RANBP9: variants seen among roughly 807,000 people sequenced by gnomAD.
RANBP9 encodes the protein RAN binding protein 9.
Under a neutral mutation model 84.3 loss-of-function variants are expected in RANBP9, and 15 were observed. That is an observed-to-expected ratio of 0.18 (90% CI 0.12 to 0.27). The LOEUF is 0.27. Ranked by LOEUF, RANBP9 falls within the 10% of genes least tolerant of loss-of-function variation. The probability of loss-of-function intolerance (pLI) is 1.00; values close to 1 mark genes in which losing one functional copy is unlikely to be tolerated. For missense variants in RANBP9, 809 were observed against 912.8 expected, an observed-to-expected ratio of 0.89 and a Z score of 1.46; for synonymous variants, 392 against 349.6, an observed-to-expected ratio of 1.12 and a Z score of -1.35.
At chr6:13,686,022 A>G (rs1766167773) in intron 2 of RANBP9, among the ~76,000 whole-genome samples, 1 of 150,302 alleles carries the variant, frequency 6.7e-6, no homozygotes, top group Non-Finnish European at 1.5e-5. Context: ...GCAATTAATT[A>G]TACAAAAATC....
chr6:13,633,949 T>G (rs199542994), intron 11 of RANBP9, among the ~76,000 whole-genome samples: 1 of 50 alleles, frequency 0.02, no homozygotes, highest in Non-Finnish European at 0.1. Context: ...GGTGGTGGGG[T>G]TTTTTTTTTT....
At chr6:13,655,974 G>A (rs1286364834) in intron 4 of RANBP9, among the ~76,000 whole-genome samples, 1 of 152,066 alleles carries the variant, frequency 6.6e-6, no homozygotes, top group Non-Finnish European at 1.5e-5. Flanking sequence ...GATCTCTTGT[G>A]GACTTGAGAA....
At position 13,711,031 on chromosome 6, in the gene RANBP9, C is replaced by T; in HGVS notation, c.475G>A (p.Asp159Asn). ...CGAGGCAGCGGCGTCTCTTGTTCGTCCACGGCCGGGTAGAGACGCTTCAGC... is the reference window on the plus strand; with the variant it reads ...CGAGGCAGCGGCGTCTCTTGTTCGTTCACGGCCGGGTAGAGACGCTTCAGC... ...RRLKRLYPAV[D>N]EQETPLPRSW... Residue 159 changes from aspartate (D) to asparagine (N), a missense_variant, in exon 1 of 14, where the codon GAC (aspartate) becomes AAC (asparagine). Physicochemically the swap from Asp to Asn is conservative, Grantham distance 23. Coordinates refer to ENST00000011619, the MANE Select transcript of RANBP9 (RefSeq NM_005493.3). 1 of 1,600,658 alleles carries T rather than the reference C, an allele frequency of 6.2e-7. No individual in the cohort carries two copies. The highest frequency in any genetic ancestry group is 1.7e-5 in the Admixed American group (1 of 58,540).
intron 2 of RANBP9, among the ~76,000 whole-genome samples, chr6:13,659,413 A>G (rs1765490909): frequency 6.6e-6 from 1 of 152,144 alleles, no homozygotes. Flanking sequence ...AACTGACAAA[A>G]TCTACCTAAA....
At chr6:13,671,508 C>T (rs1267608462) in intron 2 of RANBP9, among the ~76,000 whole-genome samples, 1 of 152,058 alleles carries the variant, frequency 6.6e-6, no homozygotes, top group Admixed American at 6.6e-5. Context: ...AAAACATTAA[C>T]CTTTAAAACA....
intron 1 of RANBP9, among the ~76,000 whole-genome samples, chr6:13,703,736 G>A (rs560484428): frequency 6.4e-4 from 97 of 152,322 alleles, no homozygotes; most frequent in African/African-American, 2.2e-3. Flanking sequence ...ACTAGTGATT[G>A]GAGCTGAGTC....
chr6:13,633,757 A>C (rs1369081017), intron 11 of RANBP9, among the ~76,000 whole-genome samples: 1 of 152,246 alleles, frequency 6.6e-6, no homozygotes, highest in African/African-American at 2.4e-5. Context: ...CAAAATAATA[A>C]GAAATCTAAC....
chr6:13,676,911 T>C (rs1765898229), intron 2 of RANBP9, among the ~76,000 whole-genome samples: 6 of 152,190 alleles, frequency 3.9e-5, no homozygotes. Flanking sequence ...AGTATCATAC[T>C]TAATGGCTAA....
chr6:13,675,687 C>T (rs928297148), intron 2 of RANBP9, among the ~76,000 whole-genome samples: 1 of 151,072 alleles, frequency 6.6e-6, no homozygotes, highest in Non-Finnish European at 1.5e-5. Context: ...AAAGCCAGTT[C>T]TTTGAAAAGA....
At chr6:13,687,579 A>G (rs1766219648) in intron 2 of RANBP9, among the ~76,000 whole-genome samples, 1 of 152,178 alleles carries the variant, frequency 6.6e-6, no homozygotes, top group Admixed American at 6.5e-5. Flanking sequence ...CTAGGGAGTC[A>G]TTCTTAACAT....
chr6:13,711,452 CTGCTGCTGCTGT>C lies in RANBP9; in HGVS notation c.42_53del (p.Gln15_Gln18del), dbSNP rs1420863316. 2.5e-6 allele frequency: 3 copies of C among 1,218,010 alleles called. No homozygotes were observed. Among genetic ancestry groups the C allele is most frequent in the East Asian group, 6.6e-5 (2 of 30,280 alleles). 75.5% of individuals were successfully genotyped at this position (1,218,010 alleles called of 1,614,324 possible). Reference sequence around the variant, plus strand: ...AGGCCGCCGGCGGTGGCGGCGACAGCTGCTGCTGCTGTTGCTGCTGCTGCGGCGGCGGCGGCG... The same window carrying C: ...AGGCCGCCGGCGGTGGCGGCGACAGCTGCTGCTGCTGCGGCGGCGGCGGCG... On this transcript the variant is annotated inframe_deletion, in exon 1 of 14. Transcript: ENST00000011619.
At chr6:13,632,622 T>C in intron 11 of RANBP9, 101 bp from the exon 12 acceptor site, 1 of 1,101,304 alleles carries the variant, frequency 9.1e-7, no homozygotes, top group Non-Finnish European at 1.3e-6. Context: ...TTAGTAACTA[T>C]TCCCTAATAT....
At chr6:13,649,263 G>A (rs1331784482) in intron 5 of RANBP9, among the ~76,000 whole-genome samples, 1 of 151,978 alleles carries the variant, frequency 6.6e-6, no homozygotes, top group East Asian at 1.9e-4. Flanking sequence ...TGTACCCATT[G>A]TTACAACAAA....
chr6:13,644,870 C>A, intron 5 of RANBP9, 141 bp from the exon 6 acceptor site: 1 of 712,616 alleles, frequency 1.4e-6, no homozygotes, highest in South Asian at 2.9e-5. Flanking sequence ...AAGGCTAAAA[C>A]AAATGATCTA....
At chr6:13,647,632 G>A (rs1037712105) in intron 5 of RANBP9, among the ~76,000 whole-genome samples, 2 of 152,058 alleles carry the variant, frequency 1.3e-5, no homozygotes, top group Non-Finnish European at 2.9e-5. Context: ...ATATATTCAA[G>A]TTAAAACAAA....
At chr6:13,698,268 G>C (rs564820598) in intron 1 of RANBP9, among the ~76,000 whole-genome samples, 3 of 152,242 alleles carry the variant, frequency 2.0e-5, no homozygotes, top group African/African-American at 7.2e-5. Flanking sequence ...AGCTTGGCTA[G>C]GCAAGACAAA....
intron 12 of RANBP9, 118 bp downstream of exon 12, chr6:13,632,252 G>C (rs1202156741): frequency 2.3e-6 from 2 of 866,832 alleles, no homozygotes; most frequent in Admixed American, 6.5e-5. Context: ...AGGAGCCAGG[G>C]GGAAGGTCAG....
At chr6:13,641,375 C>G in intron 7 of RANBP9, 68 bp from the exon 8 acceptor site, 1 of 916,750 alleles carries the variant, frequency 1.1e-6, no homozygotes, top group South Asian at 1.6e-5. Flanking sequence ...TTAGTGACCT[C>G]AGAAAAGAAA....
intron 2 of RANBP9, among the ~76,000 whole-genome samples, chr6:13,695,072 G>A (rs2113354540): frequency 6.6e-6 from 1 of 152,236 alleles, no homozygotes; most frequent in East Asian, 1.9e-4. Context: ...AGGTATCCTG[G>A]CTACAAAGAG....
Sources: gnomAD v4.1 joint callset for allele counts (sites outside exome capture counted in the v4.1 genomes callset) on GRCh38, gnomAD v4.1.1 for gene constraint, MANE v1.5 for transcripts, NCBI Gene and HGNC (gene_info 2026-07-23, HGNC 2026-07-21) for gene names.